The following OAS1 variants were observed in gnomAD, a reference collection of about 807,000 sequenced individuals.
OAS1 encodes 2'-5'-oligoadenylate synthase 1.
Under a neutral mutation model 38.5 loss-of-function variants are expected in OAS1, and 24 were observed. That is an observed-to-expected ratio of 0.62 (90% CI 0.45 to 0.88). The LOEUF (loss-of-function observed/expected upper bound fraction) is 0.88. Among genes scored for constraint, OAS1 ranks in the 40% least tolerant of loss-of-function variants. OAS1 has a pLI of 0.00. For missense variants in OAS1, 482 were observed against 493.9 expected (o/e 0.98, Z 0.23); for synonymous variants, 169 against 193.9 (o/e 0.87, Z 1.07).
In OAS1 at chr12:112,919,444, A is replaced by G. The variant is rs1167140549; in HGVS notation, c.1094A>G (p.Tyr365Cys). The G allele has an allele frequency of 6.2e-7, 1 of 1,614,168 alleles. No individual in the cohort carries two copies. The highest frequency in any genetic ancestry group is 1.1e-5 in the South Asian group (1 of 91,086). The part of the protein sequence containing the change: ...ETDDPRRYQK[Y>C]GYIGTHEYPH... ...GACGATCCCAGGAGGTATCAGAAAT[A>G]TGGTTACATTGGAACACATGAGTAC... Residue 365 changes from tyrosine to cysteine, a missense_variant, in exon 6 of 6, where the codon TAT becomes TGT. Tyr to Cys is a radical substitution (Grantham distance 194). Coordinates refer to ENST00000202917, the MANE Select transcript of OAS1 (RefSeq NM_016816.4).
chr12:112,930,239 G>A (rs1039086684), intron 6 of OAS1, among the ~76,000 whole-genome samples: 9 of 152,070 alleles, frequency 5.9e-5, no homozygotes, highest in South Asian at 2.1e-4. Flanking sequence ...CCAAGCAGAC[G>A]TCAGTACCAT....
chr12:112,924,169 C>T (rs950328232), downstream of OAS1, among the ~76,000 whole-genome samples: 4 of 152,208 alleles, frequency 2.6e-5, no homozygotes, highest in African/African-American at 9.6e-5. Flanking sequence ...GCAAAGCCAC[C>T]TCTTAAATAT....
chr12:112,929,545 A>C (rs1356007876), intron 6 of OAS1, among the ~76,000 whole-genome samples: 1 of 152,198 alleles, frequency 6.6e-6, no homozygotes, highest in African/African-American at 2.4e-5. Context: ...ATGAGATTTT[A>C]TTTATCAAAC....
intron 1 of OAS1, 134 bp downstream of exon 1, chr12:112,907,353 T>A: frequency 2.6e-6 from 2 of 763,420 alleles, no homozygotes; most frequent in Non-Finnish European, 4.3e-6. Flanking sequence ...AGAGCTGAGA[T>A]CTTCTGGGAT....
In OAS1 at chr12:112,909,465, C is replaced by G. The variant is rs537516141; in HGVS notation, c.469+641C>G. ...CTTGAGCCCAGGAGTTCAAGACCAG[C>G]CTGGGCAGCAAAGTGAAACCTCATC... On this transcript the variant is annotated intron_variant, in intron 2 of 5. Coordinates refer to ENST00000202917, the MANE Select transcript of OAS1 (RefSeq NM_016816.4). 2.0e-5 allele frequency among the ~76,000 whole-genome samples: 3 copies of G among 152,082 alleles called. No individual in the cohort carries two copies. In the South Asian group the frequency reaches 6.2e-4, roughly 32 times the overall value.
chr12:112,907,451 C>G (rs10744785), intron 1 of OAS1, among the ~76,000 whole-genome samples: 106,611 of 152,194 alleles, frequency 0.7, 39,134 homozygotes, highest in East Asian at 0.99. Flanking sequence ...GACCCTCCCC[C>G]CTACTTCCCG....
downstream of OAS1, among the ~76,000 whole-genome samples, chr12:112,921,720 A>G (rs960506478): frequency 3.9e-5 from 6 of 152,334 alleles, no homozygotes; most frequent in Non-Finnish European, 7.3e-5. Context: ...ACCACAGCCT[A>G]TACCAGCTGC....
downstream of OAS1, among the ~76,000 whole-genome samples, chr12:112,922,808 C>A (rs2043538541): frequency 6.6e-6 from 1 of 152,256 alleles, no homozygotes; most frequent in Non-Finnish European, 1.5e-5. Flanking sequence ...TACTTTTCTG[C>A]ATTTCTAGGA....
intron 3 of OAS1, among the ~76,000 whole-genome samples, chr12:112,911,597 A>C (rs2043384767): frequency 6.6e-6 from 1 of 152,176 alleles, no homozygotes; most frequent in African/African-American, 2.4e-5. Flanking sequence ...CACACTCTTC[A>C]GAAGGTGGAT....
At position 112,917,680 on chromosome 12, in the gene OAS1, G is replaced by A; in HGVS notation, c.1018G>A (p.Val340Met). 1 of 1,614,204 alleles carries A rather than the reference G, an allele frequency of 6.2e-7. No individual in the cohort carries two copies. The highest frequency in any genetic ancestry group is 1.1e-5 in the South Asian group (1 of 91,088). ...CTTTAAGAATTGGGATGGGTCCCCA[G>A]TGAGCTCCTGGATTCTGCTGGTGAG... is the stretch of plus-strand genomic sequence containing the variant. ...PCFKNWDGSP[V>M]SSWILLAESN... Residue 340 changes from valine to methionine, a missense_variant, in exon 5 of 6, where the codon GTG (valine) becomes ATG (methionine). Transcript: ENST00000202917.
In OAS1 at chr12:112,917,636, C is replaced by A. The variant is rs374610472; in HGVS notation, c.974C>A (p.Ala325Asp). 180 of 1,614,068 alleles carry A rather than the reference C, an allele frequency of 1.1e-4. No homozygotes were observed. The Middle Eastern group carries it at 1.3e-3, about 12-fold the overall frequency. The change falls in exon 5 of 6, where the codon GCC (alanine) becomes GAC (aspartate). Residue 325 changes from alanine (A) to aspartate (D), a missense_variant. Transcript: ENST00000202917. ...GWRQLAQEAE[A>D]WLNYPCFKNW... ...AGGCAGCTGGCACAAGAGGCTGAGG[C>A]CTGGCTGAATTACCCATGCTTTAAG...
Position 112,919,529 on chromosome 12 carries a change from G to A in OAS1, c.1179G>A (p.Glu393=), listed in dbSNP as rs1432744061. 1 of 1,614,230 alleles carries A rather than the reference G, an allele frequency of 6.2e-7. No individual in the cohort carries two copies. Among genetic ancestry groups the A allele is most frequent in the Non-Finnish European group, 8.5e-7 (1 of 1,180,044 alleles). The change falls in exon 6 of 6, where the codon GAG becomes GAA. Residue 393 remains glutamate, a synonymous_variant. Coordinates refer to ENST00000202917, the MANE Select transcript of OAS1 (RefSeq NM_016816.4). The part of the protein sequence containing the change: ...LQAASTPQAE[E]DWTCTIL ...CAGCATCCACCCCACAGGCAGAAGAGGACTGGACCTGCACCATCCTCTGAA... is the reference window on the plus strand; with the variant it reads ...CAGCATCCACCCCACAGGCAGAAGAAGACTGGACCTGCACCATCCTCTGAA...
chr12:112,922,937 C>T (rs1216301441), downstream of OAS1, among the ~76,000 whole-genome samples: 4 of 152,146 alleles, frequency 2.6e-5, no homozygotes, highest in Non-Finnish European at 5.9e-5. Flanking sequence ...GCTGTGTTGT[C>T]CAGGCTGGTC....
rs779611860 is a variant in OAS1, at chr12:112,908,779, G to T, written c.424G>T (p.Gly142Trp). 1 of 1,609,544 alleles carries T rather than the reference G, an allele frequency of 6.2e-7. No homozygotes were observed. Among genetic ancestry groups the T allele is most frequent in the South Asian group, 1.1e-5 (1 of 90,864 alleles). Residue 142 changes from glycine (G) to tryptophan (W), a missense_variant, in exon 2 of 6, where the codon GGG (glycine) becomes TGG (tryptophan). Transcript: ENST00000202917. ...CTTCGTACTGAGTTCGCTCCAGCTC[G>T]GGGAGGGGGTGGAGTTCGATGTGCT... Reference protein sequence around the residue: ...LSFVLSSLQLGEGVEFDVLPA... With the variant: ...LSFVLSSLQLWEGVEFDVLPA...
intron 5 of OAS1, chr12:112,918,459 C>T (rs1280583657): frequency 1.2e-5 from 4 of 336,864 alleles, no homozygotes; most frequent in Non-Finnish European, 2.4e-5. Flanking sequence ...CATACGAGTG[C>T]CGGTGTCTTT....
At chr12:112,924,601 C>T (rs527941184), downstream of OAS1, among the ~76,000 whole-genome samples, 3 of 152,050 alleles carry the variant, frequency 2.0e-5, no homozygotes, top group Admixed American at 1.3e-4. Flanking sequence ...TGGTTTTTGT[C>T]ATATGTATTC....
At chr12:112,929,825 C>T (rs2043586631) in intron 6 of OAS1, among the ~76,000 whole-genome samples, 1 of 152,140 alleles carries the variant, frequency 6.6e-6, no homozygotes, top group Non-Finnish European at 1.5e-5. Context: ...GTGGCCTTCC[C>T]TGAGTTACTG....
intron 3 of OAS1, among the ~76,000 whole-genome samples, chr12:112,913,078 A>G (rs992152261): frequency 6.6e-6 from 1 of 152,208 alleles, no homozygotes; most frequent in Non-Finnish European, 1.5e-5. Context: ...GTCTATTGGT[A>G]GTAAACTCTC....
Position 112,919,478 on chromosome 12 carries a change from C to A in OAS1, c.1128C>A (p.Phe376Leu). ...GYIGTHEYPH[F>L]SHRPSTLQAA... ...TTGGAACACATGAGTACCCTCATTT[C>A]TCTCATAGACCCAGCACACTCCAGG... The change falls in exon 6 of 6, where the codon TTC becomes TTA. Residue 376 changes from phenylalanine (F) to leucine (L), a missense_variant. By Grantham distance (22) the Phe-to-Leu change is conservative. Transcript: ENST00000202917. 6.2e-7 allele frequency: 1 copy of A among 1,614,220 alleles called. No homozygotes were observed.
Sources: gnomAD v4.1 joint callset for allele counts (sites outside exome capture counted in the v4.1 genomes callset) on GRCh38, gnomAD v4.1.1 for gene constraint, MANE v1.5 for transcripts, NCBI Gene and HGNC (gene_info 2026-07-23, HGNC 2026-07-21) for gene names.